Variants in CNTNAP2 observed in about 807,000 individuals in gnomAD.
The protein encoded by CNTNAP2 is contactin associated protein 2.
A neutral mutation model predicts 155.2 loss-of-function variants in CNTNAP2; 98 were observed. The ratio of observed to expected loss-of-function variants is 0.63; its 90% CI spans 0.54 to 0.75. The LOEUF (loss-of-function observed/expected upper bound fraction) is 0.75, where lower values mean the gene tolerates loss of function less well. CNTNAP2 is among the 30% of genes least tolerant of loss of function. The pLI is 0.00. For missense variants in CNTNAP2, 1,727 were observed against 1,688.1 expected, an observed-to-expected ratio of 1.02 and a Z score of -0.40; for synonymous variants, 651 against 631.2, an observed-to-expected ratio of 1.03 and a Z score of -0.47.
At chr7:147,051,966 G>A (rs912709599) in intron 4 of CNTNAP2, among the ~76,000 whole-genome samples, 7 of 151,994 alleles carry the variant, frequency 4.6e-5, no homozygotes, top group Admixed American at 4.6e-4. Context: ...GTCATATTGT[G>A]TTTTATGCTC....
At chr7:148,108,103 G>A (rs1804262988) in intron 15 of CNTNAP2, among the ~76,000 whole-genome samples, 1 of 152,192 alleles carries the variant, frequency 6.6e-6, no homozygotes, top group Non-Finnish European at 1.5e-5. Flanking sequence ...GGGGAGGGAG[G>A]AGACAGGGCA....
intron 13 of CNTNAP2, among the ~76,000 whole-genome samples, chr7:147,861,662 A>G (rs1799134741): frequency 6.6e-6 from 1 of 152,176 alleles, no homozygotes; most frequent in Admixed American, 6.5e-5. Flanking sequence ...AGAGAAGGCA[A>G]CGCTGGGACA....
At chr7:147,198,372 C>T (rs1802850604) in intron 8 of CNTNAP2, among the ~76,000 whole-genome samples, 1 of 151,134 alleles carries the variant, frequency 6.6e-6, no homozygotes, top group Non-Finnish European at 1.5e-5. Flanking sequence ...GCTGAGATTA[C>T]AGGCACCTGT....
At chr7:148,405,603 ATTTTTTTTTTTTTTTTT>A (rs535094195) in intron 22 of CNTNAP2, among the ~76,000 whole-genome samples, 12 of 36,796 alleles carry the variant, frequency 3.3e-4, no homozygotes, top group African/African-American at 1.2e-3. Context: ...TGCACAGCTA[ATTTTTTTTTTTTTTTTT>A]TTTTTTTTTT....
At chr7:148,329,557 C>T (rs1207229520) in intron 21 of CNTNAP2, among the ~76,000 whole-genome samples, 3 of 152,102 alleles carry the variant, frequency 2.0e-5, no homozygotes, top group East Asian at 1.9e-4. Flanking sequence ...CTGAAGATGG[C>T]CCCAGGATTT....
At chr7:146,949,827 G>A (rs1485565661) in intron 3 of CNTNAP2, among the ~76,000 whole-genome samples, 1 of 152,114 alleles carries the variant, frequency 6.6e-6, no homozygotes, top group African/African-American at 2.4e-5. Context: ...TCCATTATGT[G>A]GTGCAGAGCC....
At chr7:146,631,804 A>G (rs1799514867) in intron 1 of CNTNAP2, among the ~76,000 whole-genome samples, 1 of 152,058 alleles carries the variant, frequency 6.6e-6, no homozygotes, top group Non-Finnish European at 1.5e-5. Flanking sequence ...CTTACATACA[A>G]ACTCACTTTA....
intron 20 of CNTNAP2, among the ~76,000 whole-genome samples, chr7:148,266,464 A>G (rs1796670554): frequency 6.6e-6 from 1 of 152,168 alleles, no homozygotes; most frequent in African/African-American, 2.4e-5. Context: ...CTGTCTGTGC[A>G]CCGTTCCCAA....
intron 15 of CNTNAP2, among the ~76,000 whole-genome samples, chr7:148,097,752 C>G (rs559308016): frequency 1.3e-5 from 2 of 152,304 alleles, no homozygotes; most frequent in Non-Finnish European, 2.9e-5. Flanking sequence ...GAGTGCATAA[C>G]CCACAGCTCT....
intron 15 of CNTNAP2, among the ~76,000 whole-genome samples, chr7:148,096,758 G>T (rs1320228062): frequency 2.0e-5 from 3 of 152,100 alleles, no homozygotes; most frequent in Admixed American, 2.0e-4. Flanking sequence ...AAATAAAATG[G>T]AAGGATTTAC....
intron 3 of CNTNAP2, among the ~76,000 whole-genome samples, chr7:146,876,166 G>T (rs1795424353): frequency 6.6e-6 from 1 of 151,816 alleles, no homozygotes. Context: ...AGATCTAGAT[G>T]CATGTTGACT....
At chr7:147,946,750 A>G (rs984999368) in intron 14 of CNTNAP2, among the ~76,000 whole-genome samples, 5 of 152,136 alleles carry the variant, frequency 3.3e-5, no homozygotes, top group Non-Finnish European at 7.3e-5. Context: ...CTGGGTCTCT[A>G]GATTTACAAA....
chr7:146,543,464 G>A (rs1181845589), intron 1 of CNTNAP2, among the ~76,000 whole-genome samples: 1 of 151,706 alleles, frequency 6.6e-6, no homozygotes, highest in Non-Finnish European at 1.5e-5. Context: ...CCATAGATTA[G>A]TTTTGCCTGT....
At chr7:146,123,279 T>G (rs1456676098) in intron 1 of CNTNAP2, among the ~76,000 whole-genome samples, 1 of 152,234 alleles carries the variant, frequency 6.6e-6, no homozygotes, top group Non-Finnish European at 1.5e-5. Flanking sequence ...ATATATGCTT[T>G]AATGTTTTTA....
At chr7:146,663,250 C>G (rs1434605872) in intron 1 of CNTNAP2, among the ~76,000 whole-genome samples, 1 of 127,076 alleles carries the variant, frequency 7.9e-6, no homozygotes, top group East Asian at 2.1e-4. Context: ...GCACCTCAGC[C>G]TGGGCAACAA....
chr7:146,138,040 C>T (rs62504794), intron 1 of CNTNAP2, among the ~76,000 whole-genome samples: 25,757 of 151,926 alleles, frequency 0.17, 2,720 homozygotes, highest in East Asian at 0.28. Context: ...TTGCAAACTA[C>T]ATTCCTTGCA....
At chr7:146,628,591 A>T (rs1412203876) in intron 1 of CNTNAP2, among the ~76,000 whole-genome samples, 1 of 152,176 alleles carries the variant, frequency 6.6e-6, no homozygotes, top group African/African-American at 2.4e-5. Context: ...AATGTGGCAT[A>T]TAGTAAATAC....
chr7:146,708,637 C>T (rs1801008972), intron 1 of CNTNAP2, among the ~76,000 whole-genome samples: 2 of 104,278 alleles, frequency 1.9e-5, no homozygotes, highest in African/African-American at 7.7e-5. Context: ...CACTGTGTTG[C>T]CCTGGCTGGA....
At chr7:146,582,751 T>C (rs1798630487) in intron 1 of CNTNAP2, among the ~76,000 whole-genome samples, 1 of 152,078 alleles carries the variant, frequency 6.6e-6, no homozygotes, top group African/African-American at 2.4e-5. Context: ...CTAGTATATT[T>C]AGGTTAAAGA....
Sources: allele counts gnomAD v4.1 joint callset (sites outside exome capture counted in the v4.1 genomes callset), GRCh38; gene constraint gnomAD v4.1.1; transcripts MANE v1.5; gene names NCBI Gene and HGNC (gene_info 2026-07-23, HGNC 2026-07-21).